CARHSP1: variants seen among roughly 807,000 people sequenced by gnomAD.
The protein encoded by CARHSP1 is calcium regulated heat stable protein 1, also known as calcium-regulated heat-stable protein 1.
In CARHSP1, 14 loss-of-function variants were observed where a neutral mutation model predicts 12.5. The ratio of observed to expected loss-of-function variants is 1.12; its 90% confidence interval spans 0.74 to 1.75. CARHSP1 has a LOEUF of 1.75. Ranked by LOEUF, CARHSP1 falls within the 40% of genes most tolerant of loss-of-function variation. CARHSP1 has a pLI of 0.00. For missense variants in CARHSP1, 343 were observed against 201.6 expected (o/e 1.70, Z -4.25); for synonymous variants, 161 against 82.0 (o/e 1.96, Z -5.20).
intron 3 of CARHSP1, chr16:8,858,122 T>G (rs1456341334): frequency 1.7e-6 from 1 of 571,510 alleles, no homozygotes; most frequent in Non-Finnish European, 3.1e-6. Context: ...ACAAGTACCG[T>G]GTCGCCCCCA....
chr16:8,863,074 A>G (rs2061394596), intron 1 of CARHSP1, among the ~76,000 whole-genome samples: 1 of 138,748 alleles, frequency 7.2e-6, no homozygotes, highest in South Asian at 2.3e-4. Flanking sequence ...GGCACAGAGC[A>G]GGGTCTCCAG....
At chr16:8,858,840 G>A (rs901238072) in intron 2 of CARHSP1, 3 of 408,626 alleles carry the variant, frequency 7.3e-6, no homozygotes, top group African/African-American at 5.9e-5. Context: ...GTCCTTTGCA[G>A]CCCTGGTGCT....
At chr16:8,868,243 TCCACTCCAA>T (rs1453651043) in intron 1 of CARHSP1, 1 of 152,058 alleles carries the variant, frequency 6.6e-6, no homozygotes, top group Non-Finnish European at 1.5e-5. Context: ...AGCACACACA[TCCACTCCAA>T]CCCCAGAAAA....
At chr16:8,867,658 G>T (rs1055813241) in intron 1 of CARHSP1, 1 of 152,454 alleles carries the variant, frequency 6.6e-6, no homozygotes, top group African/African-American at 2.4e-5. Flanking sequence ...CTCCCAGCCG[G>T]GCTCTGCGCC....
intron 1 of CARHSP1, among the ~76,000 whole-genome samples, chr16:8,864,118 C>T (rs1332613657): frequency 1.3e-5 from 2 of 152,238 alleles, no homozygotes; most frequent in East Asian, 1.9e-4. Context: ...GCTGCATGTA[C>T]ATGTGTGCTC....
intron 3 of CARHSP1, among the ~76,000 whole-genome samples, chr16:8,856,757 G>A (rs374665399): frequency 3.3e-5 from 5 of 152,098 alleles, no homozygotes; most frequent in African/African-American, 9.7e-5. Flanking sequence ...AAGACTTGGG[G>A]GTGCTTAGGC....
At chr16:8,862,164 G>A (rs148470854) in intron 1 of CARHSP1, among the ~76,000 whole-genome samples, 16 of 151,834 alleles carry the variant, frequency 1.1e-4, no homozygotes, top group African/African-American at 1.2e-4. Flanking sequence ...CATCACGCCC[G>A]GCTAATGAAG....
At position 8,853,320 on chromosome 16, in the gene CARHSP1, G is replaced by A. The variant is rs1048939544; in HGVS notation, c.*1844C>T. On this transcript the variant is annotated 3_prime_UTR_variant, in exon 4 of 4. Coordinates refer to ENST00000311052, the MANE Select transcript of CARHSP1 (RefSeq NM_014316.4). ...GATGGGCCCTTGGGAAGCCAACAGG[G>A]AACAATTCAAGGCTGGAGAGAAAAG... 2.8e-5 allele frequency: 4 copies of A among 142,968 alleles called. No individual in the cohort carries two copies. The highest frequency in any genetic ancestry group is 1.1e-4 in the African/African-American group (4 of 37,026). The allele number at this position is 142,968 out of a possible 1,614,324, so 8.9% of individuals were successfully genotyped here. A position where few individuals can be genotyped will look rare whatever the true frequency, so the allele number is the denominator to read the frequency against.
At chr16:8,861,060 AAAT>A (rs1189295945) in intron 1 of CARHSP1, among the ~76,000 whole-genome samples, 4 of 19,914 alleles carry the variant, frequency 2.0e-4, no homozygotes, top group Admixed American at 1.0e-3. Flanking sequence ...AAAAAAAAAT[AAAT>A]AACTTTTATT....
At chr16:8,861,065 A>G (rs917702615) in intron 1 of CARHSP1, among the ~76,000 whole-genome samples, 4 of 113,798 alleles carry the variant, frequency 3.5e-5, no homozygotes, top group Admixed American at 3.3e-4. Flanking sequence ...AAAATAAATA[A>G]CTTTTATTTT....
chr16:8,864,777 G>C (rs961055955), intron 1 of CARHSP1, among the ~76,000 whole-genome samples: 1 of 152,218 alleles, frequency 6.6e-6, no homozygotes, highest in Non-Finnish European at 1.5e-5. Flanking sequence ...CCAGGGATGG[G>C]TGTGTCGGCT....
rs771179520 is a variant in CARHSP1, at chr16:8,858,492, G to A, written c.159-20C>T. On this transcript the variant is annotated intron_variant, in intron 2 of 3. Transcript: ENST00000311052. ...ACCGTCCTGACAGAGAGGGGGAAAT[G>A]TCAGGGGCCCCATCAGCGCTCCTGG... is the stretch of plus-strand genomic sequence containing the variant. 5 of 1,611,926 alleles carry A rather than the reference G, an allele frequency of 3.1e-6. No individual in the cohort carries two copies. Among genetic ancestry groups the A allele is most frequent in the South Asian group, 2.2e-5 (2 of 91,024 alleles).
rs2061011111 is a variant in CARHSP1, at chr16:8,853,790, C to G, written c.*1374G>C. ...AGGATTTGTTTACCAGAAATACCTA[C>G]AAAAAAGTTTGCAGGCCGGGCGCGA... On this transcript the variant is annotated 3_prime_UTR_variant, in exon 4 of 4. Coordinates refer to ENST00000311052, the MANE Select transcript of CARHSP1 (RefSeq NM_014316.4). 6.6e-6 allele frequency: 1 copy of G among 152,130 alleles called. No homozygotes were observed. Among genetic ancestry groups the G allele is most frequent in the Non-Finnish European group, 1.5e-5 (1 of 68,020 alleles). The allele number at this position is 152,130 out of a possible 1,614,324, so 9.4% of individuals were successfully genotyped here. A position where few individuals can be genotyped will look rare whatever the true frequency, so the allele number is the denominator to read the frequency against.
intron 1 of CARHSP1, among the ~76,000 whole-genome samples, chr16:8,864,983 TG>T (rs377438997): frequency 1.2e-3 from 188 of 152,300 alleles, no homozygotes; most frequent in Non-Finnish European, 2.2e-3. Flanking sequence ...CCTGCCCTCC[TG>T]GCCTGAAAAC....
chr16:8,852,960 A>G lies in CARHSP1; in HGVS notation c.*2204T>C, dbSNP rs1269064962. 1 of 152,116 alleles carries G rather than the reference A, an allele frequency of 6.6e-6. No homozygotes were observed. Among genetic ancestry groups the G allele is most frequent in the Non-Finnish European group, 1.5e-5 (1 of 68,012 alleles). The allele number at this position is 152,116 out of a possible 1,614,324, so 9.4% of individuals were successfully genotyped here. A position where few individuals can be genotyped will look rare whatever the true frequency, so the allele number is the denominator to read the frequency against. ...ACACGCATAGCCTTGCACAAAACAAAAATTTATTGGGAGAAAGATGGCTGA... is the reference window on the plus strand; with the variant it reads ...ACACGCATAGCCTTGCACAAAACAAGAATTTATTGGGAGAAAGATGGCTGA... On this transcript the variant is annotated 3_prime_UTR_variant, in exon 4 of 4. Coordinates refer to ENST00000311052, the MANE Select transcript of CARHSP1 (RefSeq NM_014316.4).
At chr16:8,861,811 G>A in intron 1 of CARHSP1, 4 of 1,204,798 alleles carry the variant, frequency 3.3e-6, no homozygotes, top group Non-Finnish European at 4.2e-6. Context: ...GTCCTAGAAT[G>A]TTCAACGCCC....
rs2061041420 is a variant in CARHSP1, at chr16:8,854,724, G to C, written c.*440C>G. ...GGGCACTTAGGTGGAAATTTGCCTTGGAGAAGTCACGCAAGGTCCCTGTCA... is the reference window on the plus strand; with the variant it reads ...GGGCACTTAGGTGGAAATTTGCCTTCGAGAAGTCACGCAAGGTCCCTGTCA... On this transcript the variant is annotated 3_prime_UTR_variant, in exon 4 of 4. Coordinates refer to ENST00000311052, the MANE Select transcript of CARHSP1 (RefSeq NM_014316.4). The C allele has an allele frequency of 6.5e-6, 1 of 154,720 alleles. No individual in the cohort carries two copies. 9.6% of individuals were successfully genotyped at this position (154,720 alleles called of 1,614,324 possible). A position where few individuals can be genotyped will look rare whatever the true frequency, so the allele number is the denominator to read the frequency against.
chr16:8,860,681 A>C (rs1478389381), intron 1 of CARHSP1, among the ~76,000 whole-genome samples: 3 of 151,982 alleles, frequency 2.0e-5, no homozygotes, highest in South Asian at 4.1e-4. Flanking sequence ...GACGCCACTC[A>C]ACACCACACA....
At chr16:8,865,670 G>C (rs1246249609) in intron 1 of CARHSP1, among the ~76,000 whole-genome samples, 1 of 152,180 alleles carries the variant, frequency 6.6e-6, no homozygotes, top group Non-Finnish European at 1.5e-5. Context: ...CGCACTATGG[G>C]GATGGGGCAG....
Sources: gnomAD v4.1 joint callset for allele counts (sites outside exome capture counted in the v4.1 genomes callset) on GRCh38, gnomAD v4.1.1 for gene constraint, MANE v1.5 for transcripts, NCBI Gene and HGNC (gene_info 2026-07-23, HGNC 2026-07-21) for gene names.